The following TEK variants were observed in gnomAD, a reference collection of about 807,000 sequenced individuals.
TEK encodes angiopoietin-1 receptor.
TEK carries 43 observed loss-of-function variants against 131.8 expected under a neutral mutation model. The ratio of observed to expected loss-of-function variants is 0.33; its 90% CI spans 0.26 to 0.42. TEK has a LOEUF of 0.42. Ranked by LOEUF, TEK falls within the 10% of genes least tolerant of loss-of-function variation. The pLI is 1.00. For missense variants in TEK, 1,162 were observed against 1,384.4 expected, an observed-to-expected ratio of 0.84 and a Z score of 2.55; for synonymous variants, 580 against 491.6, an observed-to-expected ratio of 1.18 and a Z score of -2.38.
intron 1 of TEK, among the ~76,000 whole-genome samples, chr9:27,137,753 A>C (rs540028997): frequency 1.7e-3 from 258 of 152,278 alleles, no homozygotes; most frequent in African/African-American, 5.8e-3. Flanking sequence ...AATTCTACCC[A>C]CACCTAAGAA....
intron 16 of TEK, among the ~76,000 whole-genome samples, 185 bp from the exon 17 acceptor site, chr9:27,212,522 C>G (rs960819701): frequency 2.6e-5 from 4 of 152,040 alleles, no homozygotes; most frequent in Admixed American, 6.5e-5. Flanking sequence ...GCAGCCTGGC[C>G]CCTTTTGAGT....
chr9:27,133,133 T>G (rs749487047), intron 1 of TEK, among the ~76,000 whole-genome samples: 2 of 152,198 alleles, frequency 1.3e-5, no homozygotes, highest in Non-Finnish European at 2.9e-5. Context: ...AAATAAATAC[T>G]TCCTTCTTTT....
At chr9:27,173,154 C>G in intron 5 of TEK, 68 bp from the exon 6 acceptor site, 1 of 1,592,592 alleles carries the variant, frequency 6.3e-7, no homozygotes, top group Non-Finnish European at 8.6e-7. Context: ...AGAAATGAAT[C>G]TAAAGAATTA....
In TEK at chr9:27,170,833, C is replaced by T. The variant is rs141659215; in HGVS notation, c.628+1204C>T. On this transcript the variant is annotated intron_variant, in intron 4 of 22. Transcript: ENST00000380036. ...TATATTAGATGTCTATCAGCCTAGA[C>T]CAGTGAGCTATAGACAAGGGTGGAG... Among the ~76,000 whole-genome samples the T allele has an allele frequency of 3.7e-3, 557 of 152,246 alleles. 1 individual carries two copies. The highest frequency in any genetic ancestry group is 0.013 in the African/African-American group (531 of 41,536).
intron 19 of TEK, among the ~76,000 whole-genome samples, chr9:27,218,521 T>TAAC (rs1564106628): frequency 4.6e-5 from 7 of 152,134 alleles, no homozygotes; most frequent in Non-Finnish European, 1.0e-4. Context: ...TTCATCTGTT[T>TAAC]TGGACAGTAC....
At chr9:27,218,924 C>CTACCAGATGT in intron 20 of TEK, 107 bp downstream of exon 20, 1 of 1,109,862 alleles carries the variant, frequency 9.0e-7, no homozygotes, top group African/African-American at 1.5e-5. Flanking sequence ...GTATGTGGTT[C>CTACCAGATGT]TACCAGATGT....
intron 1 of TEK, among the ~76,000 whole-genome samples, chr9:27,137,109 G>A (rs1260825398): frequency 6.6e-6 from 1 of 152,016 alleles, no homozygotes; most frequent in Admixed American, 6.5e-5. Context: ...GTAGAGACGG[G>A]GTTTCACCAT....
At chr9:27,136,383 C>T (rs1822437171) in intron 1 of TEK, among the ~76,000 whole-genome samples, 1 of 152,174 alleles carries the variant, frequency 6.6e-6, no homozygotes, top group African/African-American at 2.4e-5. Context: ...CCGGTCCCTA[C>T]TTACATTCTT....
chr9:27,115,881 A>G (rs992817427), intron 1 of TEK, among the ~76,000 whole-genome samples: 10 of 152,252 alleles, frequency 6.6e-5, no homozygotes, highest in African/African-American at 2.2e-4. Context: ...AGGGCCTCAC[A>G]GGCCATTTTA....
At chr9:27,182,724 T>C (rs1824433795) in intron 7 of TEK, among the ~76,000 whole-genome samples, 1 of 152,202 alleles carries the variant, frequency 6.6e-6, no homozygotes, top group Non-Finnish European at 1.5e-5. Context: ...CAGAATAAAA[T>C]TGGTATATTT....
intron 1 of TEK, among the ~76,000 whole-genome samples, chr9:27,151,822 A>C (rs1823137863): frequency 2.6e-5 from 4 of 152,258 alleles, no homozygotes; most frequent in Admixed American, 2.6e-4. Flanking sequence ...CACATAAACA[A>C]CTTAATGAGT....
Position 27,180,374 on chromosome 9 carries a change from G to T in TEK, c.1030+6G>T, listed in dbSNP as rs775264500. The T allele has an allele frequency of 6.2e-7, 1 of 1,612,152 alleles. No homozygotes were observed. The highest frequency in any genetic ancestry group is 8.5e-7 in the Non-Finnish European group (1 of 1,179,036). ...GCTCCAGTGTGAGAGAGAAGGTAAA[G>T]CAAGGTAACACTGTAGTCAGGGCCA... is the stretch of plus-strand genomic sequence containing the variant. On this transcript the variant is annotated splice_donor_region_variant and intron_variant, in intron 7 of 22. Coordinates refer to ENST00000380036, the MANE Select transcript of TEK (RefSeq NM_000459.5).
intron 22 of TEK, among the ~76,000 whole-genome samples, chr9:27,228,932 A>T (rs1448025666): frequency 6.6e-6 from 1 of 152,212 alleles, no homozygotes; most frequent in Admixed American, 6.5e-5. Context: ...AGGCAAGCTC[A>T]GAAACTGAGG....
chr9:27,203,089 C>G lies in TEK; in HGVS notation c.2179C>G (p.His727Asp). The G allele has an allele frequency of 6.2e-7, 1 of 1,614,106 alleles. No homozygotes were observed. The highest frequency in any genetic ancestry group is 8.5e-7 in the Non-Finnish European group (1 of 1,179,994). Residue 727 changes from histidine to aspartate, a missense_variant, in exon 13 of 23, where the codon CAT becomes GAT. His to Asp is a moderately conservative substitution (Grantham distance 81, BLOSUM62 -1). Transcript: ENST00000380036. ...NIGSSNPAFS[H>D]ELVTLPESQA... The stretch of plus-strand genomic sequence containing the variant: ...AGGGTCAAGCAACCCAGCCTTTTCT[C>G]ATGAACTGGTGACCCTCCCAGAATC...
At chr9:27,204,549 AGT>A (rs1362672382) in intron 13 of TEK, among the ~76,000 whole-genome samples, 2 of 152,196 alleles carry the variant, frequency 1.3e-5, no homozygotes, top group Non-Finnish European at 2.9e-5. Flanking sequence ...AGGGAGGTTT[AGT>A]CACTCTCTCA....
intron 12 of TEK, among the ~76,000 whole-genome samples, chr9:27,198,974 T>A (rs1185178417): frequency 6.6e-6 from 1 of 152,058 alleles, no homozygotes; most frequent in Non-Finnish European, 1.5e-5. Flanking sequence ...TTTTTAAAAA[T>A]TTTTTTGTAG....
intron 1 of TEK, among the ~76,000 whole-genome samples, chr9:27,130,646 T>TTTG (rs1309878897): frequency 1.4e-5 from 2 of 146,852 alleles, no homozygotes; most frequent in South Asian, 4.2e-4. Flanking sequence ...TTTTTTTTTT[T>TTTG]GCTCACTGCA....
intron 2 of TEK, among the ~76,000 whole-genome samples, chr9:27,164,717 A>G (rs939121537): frequency 6.6e-6 from 1 of 151,952 alleles, no homozygotes; most frequent in African/African-American, 2.4e-5. Context: ...TTTTTTTTGT[A>G]TGGAGCGGGG....
intron 15 of TEK, among the ~76,000 whole-genome samples, chr9:27,207,902 A>G (rs894217283): frequency 6.6e-6 from 1 of 152,222 alleles, no homozygotes; most frequent in Non-Finnish European, 1.5e-5. Context: ...AATACAAACT[A>G]CTTGCAAAAC....
Sources: allele counts gnomAD v4.1 joint callset (sites outside exome capture counted in the v4.1 genomes callset), GRCh38; gene constraint gnomAD v4.1.1; transcripts MANE v1.5; gene names NCBI Gene and HGNC (gene_info 2026-07-23, HGNC 2026-07-21).